PAPSS1: variants seen among roughly 807,000 people sequenced by gnomAD.
The protein encoded by PAPSS1 is bifunctional 3'-phosphoadenosine 5'-phosphosulfate synthase 1.
Under a neutral mutation model 72.0 loss-of-function variants are expected in PAPSS1, and 50 were observed. That is an observed-to-expected ratio of 0.69 (90% confidence interval 0.55 to 0.88). The LOEUF (loss-of-function observed/expected upper bound fraction) is 0.88. PAPSS1 is among the 40% of genes least tolerant of loss of function. PAPSS1 has a pLI of 0.00. For missense variants in PAPSS1, 657 were observed against 782.2 expected, an observed-to-expected ratio of 0.84 and a Z score of 1.91; for synonymous variants, 261 against 263.6, an observed-to-expected ratio of 0.99 and a Z score of 0.09.
chr4:107,713,049 C>T (rs974168789), intron 1 of PAPSS1, among the ~76,000 whole-genome samples: 1 of 151,610 alleles, frequency 6.6e-6, no homozygotes, highest in East Asian at 2.0e-4. Context: ...CTGGTTCAAG[C>T]GATTCTCCTG....
chr4:107,644,344 G>C (rs1003687908), intron 10 of PAPSS1, among the ~76,000 whole-genome samples: 22 of 152,312 alleles, frequency 1.4e-4, no homozygotes, highest in Admixed American at 9.2e-4. Context: ...CCTATACCTA[G>C]AGGAAAGGAA....
chr4:107,618,903 A>G (rs950517545), intron 11 of PAPSS1, among the ~76,000 whole-genome samples: 4 of 152,158 alleles, frequency 2.6e-5, no homozygotes, highest in Non-Finnish European at 1.5e-5. Context: ...AACCAGATGT[A>G]AAATTAAAAA....
chr4:107,634,826 G>A (rs1248780355), intron 10 of PAPSS1, among the ~76,000 whole-genome samples: 2 of 127,838 alleles, frequency 1.6e-5, no homozygotes, highest in Non-Finnish European at 3.1e-5. Context: ...TTGAGATGGA[G>A]TCTCGCTGTG....
intron 5 of PAPSS1, among the ~76,000 whole-genome samples, chr4:107,660,961 T>C (rs1200550342): frequency 6.6e-6 from 1 of 152,156 alleles, no homozygotes; most frequent in Admixed American, 6.6e-5. Context: ...GTTATATCTT[T>C]AGATAAATGT....
At position 107,660,016 on chromosome 4, in the gene PAPSS1, A is replaced by G. The variant is rs759213367; in HGVS notation, c.726T>C (p.Asn242=). The G allele has an allele frequency of 4.2e-5, 67 of 1,608,394 alleles. No homozygotes were observed. Among genetic ancestry groups the G allele is most frequent in the Middle Eastern group, 3.6e-4 (2 of 5,610 alleles). The change falls in exon 6 of 12, where the codon AAT becomes AAC. Residue 242 remains asparagine (N), a synonymous_variant. Coordinates refer to ENST00000265174, the MANE Select transcript of PAPSS1 (RefSeq NM_005443.5). ...YEVKELYVPE[N]KLHLAKTDAE... ...CATCTGTTTTTGCCAAATGAAGTTT[A>G]TTTTCTGGCACATATAGTTCTTTTA...
At chr4:107,633,535 G>A (rs1036646751) in intron 10 of PAPSS1, among the ~76,000 whole-genome samples, 1 of 152,048 alleles carries the variant, frequency 6.6e-6, no homozygotes. Context: ...GTGTGTGTAT[G>A]TGTGTAAAGA....
At chr4:107,656,119 A>G (rs771783299) in intron 7 of PAPSS1, among the ~76,000 whole-genome samples, 4 of 152,020 alleles carry the variant, frequency 2.6e-5, no homozygotes, top group African/African-American at 4.8e-5. Flanking sequence ...TTATTTATTT[A>G]TTTGTTTTTT....
At chr4:107,673,198 A>G (rs1056134217) in intron 5 of PAPSS1, among the ~76,000 whole-genome samples, 2 of 152,264 alleles carry the variant, frequency 1.3e-5, no homozygotes, top group Non-Finnish European at 2.9e-5. Flanking sequence ...GCAGTGGAAC[A>G]AAGCTGGACG....
chr4:107,719,938 C>G (rs1723736089), intron 1 of PAPSS1, 182 bp downstream of exon 1: 2 of 1,382,358 alleles, frequency 1.4e-6, no homozygotes, highest in Non-Finnish European at 1.9e-6. Context: ...CCACCCTGCG[C>G]CGCGCCCCTC....
intron 10 of PAPSS1, among the ~76,000 whole-genome samples, chr4:107,639,985 C>A (rs1267357737): frequency 6.6e-6 from 1 of 152,142 alleles, no homozygotes; most frequent in Non-Finnish European, 1.5e-5. Context: ...TAATCTCTAC[C>A]TCCAACTGCA....
chr4:107,708,175 T>TA (rs1343605727), intron 1 of PAPSS1, among the ~76,000 whole-genome samples: 1 of 152,220 alleles, frequency 6.6e-6, no homozygotes, highest in African/African-American at 2.4e-5. Flanking sequence ...AATAATCACT[T>TA]ACAAAAAATT....
At position 107,614,051 on chromosome 4, in the gene PAPSS1, T is replaced by C; in HGVS notation, c.*198A>G. The C allele has an allele frequency of 2.4e-6, 1 of 413,808 alleles. No homozygotes were observed. Among genetic ancestry groups the C allele is most frequent in the Non-Finnish European group, 4.3e-6 (1 of 232,948 alleles). The allele number at this position is 413,808 out of a possible 1,614,324, so 25.6% of individuals were successfully genotyped here. A position where few individuals can be genotyped will look rare whatever the true frequency, so the allele number is the denominator to read the frequency against. The stretch of plus-strand genomic sequence containing the variant: ...ATATAACTATAATAAGTGGAAAAGA[T>C]ACATTAAAACCATCAGTGTGTTACA... On this transcript the variant is annotated 3_prime_UTR_variant, in exon 12 of 12. Transcript: ENST00000265174.
chr4:107,699,854 A>G (rs1274444999), intron 2 of PAPSS1, among the ~76,000 whole-genome samples: 1 of 152,190 alleles, frequency 6.6e-6, no homozygotes, highest in African/African-American at 2.4e-5. Flanking sequence ...TCTCAAACAT[A>G]AAACCTCCAG....
intron 1 of PAPSS1, among the ~76,000 whole-genome samples, chr4:107,718,047 C>T (rs1184713766): frequency 6.6e-6 from 1 of 152,166 alleles, no homozygotes; most frequent in Non-Finnish European, 1.5e-5. Flanking sequence ...AGGGCTTCCC[C>T]ATCTGGGTCC....
chr4:107,695,040 T>C (rs1215416260), intron 2 of PAPSS1, among the ~76,000 whole-genome samples: 1 of 152,100 alleles, frequency 6.6e-6, no homozygotes, highest in African/African-American at 2.4e-5. Flanking sequence ...TATCAAATGG[T>C]AGTCTGATGG....
At chr4:107,652,798 A>G (rs1050771449) in intron 9 of PAPSS1, among the ~76,000 whole-genome samples, 1 of 152,182 alleles carries the variant, frequency 6.6e-6, no homozygotes, top group South Asian at 2.1e-4. Flanking sequence ...CTGTAATTCT[A>G]TACCAAAAAT....
intron 3 of PAPSS1, among the ~76,000 whole-genome samples, chr4:107,688,560 C>T (rs977157505): frequency 6.6e-6 from 1 of 152,140 alleles, no homozygotes; most frequent in Non-Finnish European, 1.5e-5. Context: ...GCTGCTTTCC[C>T]ACTGCTATGC....
At position 107,631,714 on chromosome 4, in the gene PAPSS1, A is replaced by G. The variant is rs1431102837; in HGVS notation, c.1653T>C (p.Gly551=). Residue 551 remains glycine, a synonymous_variant, in exon 11 of 12, where the codon GGT becomes GGC. Coordinates refer to ENST00000265174, the MANE Select transcript of PAPSS1 (RefSeq NM_005443.5). Reference sequence around the variant, plus strand: ...AGGGAACTATTTCCAAAGTGATTAAACCAGGGGCCATCGTCAGCACTTTGG... The same window carrying G: ...AGGGAACTATTTCCAAAGTGATTAAGCCAGGGGCCATCGTCAGCACTTTGG... ...HGAKVLTMAP[G]LITLEIVPFR... is the part of the protein sequence containing the mutation. The G allele has an allele frequency of 6.2e-7, 1 of 1,614,002 alleles. No individual in the cohort carries two copies. Among genetic ancestry groups the G allele is most frequent in the Non-Finnish European group, 8.5e-7 (1 of 1,180,000 alleles).
intron 2 of PAPSS1, among the ~76,000 whole-genome samples, chr4:107,699,443 A>G (rs913561073): frequency 2.0e-5 from 3 of 152,218 alleles, no homozygotes; most frequent in African/African-American, 7.2e-5. Context: ...GGGCCCACAC[A>G]TAAGTGGAGA....
Sources: allele counts gnomAD v4.1 joint callset (sites outside exome capture counted in the v4.1 genomes callset), GRCh38; gene constraint gnomAD v4.1.1; transcripts MANE v1.5; gene names NCBI Gene and HGNC (gene_info 2026-07-23, HGNC 2026-07-21).